Variants in LIPI observed in about 807,000 individuals in gnomAD.
The protein encoded by LIPI is lipase member I.
LIPI carries 59 observed loss-of-function variants against 50.6 expected under a neutral mutation model. The ratio of observed to expected loss-of-function variants is 1.16; its 90% CI spans 0.94 to 1.45. The LOEUF (loss-of-function observed/expected upper bound fraction) is 1.45. Among genes scored for constraint, LIPI ranks in the 40% most tolerant of loss-of-function variants. The probability of loss-of-function intolerance (pLI) is 0.00; values close to 1 mark genes in which losing one functional copy is unlikely to be tolerated. For synonymous variants in LIPI, 203 were observed against 178.2 expected, an observed-to-expected ratio of 1.14 and a Z score of -1.11; for missense variants, 586 against 536.3, an observed-to-expected ratio of 1.09 and a Z score of -0.92.
At chr21:14,134,409 AC>A (rs1460158807) in intron 9 of LIPI, among the ~76,000 whole-genome samples, 1 of 152,224 alleles carries the variant, frequency 6.6e-6, no homozygotes, top group Non-Finnish European at 1.5e-5. Flanking sequence ...CTATTGGATT[AC>A]CAAAGTCATT....
intron 8 of LIPI, among the ~76,000 whole-genome samples, chr21:14,148,063 C>T (rs969772759): frequency 2.6e-5 from 4 of 151,884 alleles, no homozygotes; most frequent in Non-Finnish European, 5.9e-5. Flanking sequence ...ATATCTGGTC[C>T]AATGAATCAT....
In LIPI at chr21:14,166,386, CA is replaced by C. The variant is rs781584188; in HGVS notation, c.708del (p.Gly237AlafsTer28). 2 of 1,601,150 alleles carry C rather than the reference CA, an allele frequency of 1.2e-6. No homozygotes were observed. The highest frequency in any genetic ancestry group is 2.2e-5 in the South Asian group (2 of 90,816). On this transcript the variant is annotated frameshift_variant, in exon 5 of 10. Coordinates refer to ENST00000681601, the MANE Select transcript of LIPI (RefSeq NM_001302998.2). LOFTEE classifies it high-confidence loss of function. ...DFYPNGGNKQ[P>X]GCPKSIFSGI... ...CCTGAGAAAATTGATTTAGGACAGC[CA>C]GGTTGTTTATTTCCTCCATTTGGAT...
At chr21:14,157,595 C>A (rs2018317468) in intron 7 of LIPI, among the ~76,000 whole-genome samples, 1 of 151,728 alleles carries the variant, frequency 6.6e-6, no homozygotes, top group South Asian at 2.1e-4. Flanking sequence ...AGTTTTGAGG[C>A]CTGGAAAACG....
chr21:14,136,347 G>A (rs1351096649), intron 9 of LIPI, among the ~76,000 whole-genome samples: 1 of 152,146 alleles, frequency 6.6e-6, no homozygotes, highest in Admixed American at 6.5e-5. Context: ...TGCCCTAAAT[G>A]GTGAGTCCCA....
At chr21:14,195,206 G>C (rs913602050) in intron 1 of LIPI, among the ~76,000 whole-genome samples, 2 of 152,128 alleles carry the variant, frequency 1.3e-5, no homozygotes, top group Admixed American at 6.6e-5. Flanking sequence ...GAAAAACTCT[G>C]AAATCTGCAT....
intron 9 of LIPI, among the ~76,000 whole-genome samples, chr21:14,130,255 G>A (rs545220070): frequency 2.0e-4 from 30 of 152,214 alleles, no homozygotes; most frequent in East Asian, 7.7e-4. Context: ...CAGGAGAATC[G>A]TGTGAACCCT....
intron 7 of LIPI, among the ~76,000 whole-genome samples, chr21:14,156,251 G>A (rs536771279): frequency 3.3e-5 from 5 of 151,938 alleles, no homozygotes; most frequent in South Asian, 2.1e-4. Context: ...TTAAAATAGC[G>A]ACATTTTATT....
intron 9 of LIPI, among the ~76,000 whole-genome samples, chr21:14,126,748 A>G (rs1272429380): frequency 6.6e-6 from 1 of 152,216 alleles, no homozygotes; most frequent in African/African-American, 2.4e-5. Context: ...ATTTTTGTAT[A>G]CACAGGGTTC....
At chr21:14,125,218 G>A (rs968993712) in intron 9 of LIPI, among the ~76,000 whole-genome samples, 4 of 152,108 alleles carry the variant, frequency 2.6e-5, no homozygotes, top group Admixed American at 6.5e-5. Context: ...GACTCTGTGG[G>A]TAAATAAATA....
intron 9 of LIPI, among the ~76,000 whole-genome samples, chr21:14,138,860 A>T (rs2017603756): frequency 6.6e-6 from 1 of 152,142 alleles, no homozygotes; most frequent in Admixed American, 6.6e-5. Context: ...TAACACTTAT[A>T]TGCCAGGCAA....
chr21:14,110,357 T>C (rs1415659516), intron 9 of LIPI, among the ~76,000 whole-genome samples: 3 of 145,246 alleles, frequency 2.1e-5, no homozygotes, highest in African/African-American at 8.5e-5. Flanking sequence ...TTTATTTGTT[T>C]ATTTTAAATT....
chr21:14,111,589 G>A (rs1972666831), intron 9 of LIPI, among the ~76,000 whole-genome samples: 1 of 151,956 alleles, frequency 6.6e-6, no homozygotes, highest in South Asian at 2.1e-4. Flanking sequence ...AAGCTTTTTA[G>A]TTTAATGTAA....
At chr21:14,206,992 T>C (rs2020244532) in intron 1 of LIPI, 1 of 1,066,390 alleles carries the variant, frequency 9.4e-7, no homozygotes, top group East Asian at 2.4e-5. Context: ...AAGACCCTTT[T>C]GGGCCAGCAG....
intron 1 of LIPI, among the ~76,000 whole-genome samples, chr21:14,201,589 T>G (rs2020056077): frequency 6.6e-6 from 1 of 152,072 alleles, no homozygotes; most frequent in Admixed American, 6.6e-5. Flanking sequence ...AAAAACCATA[T>G]GATTATCTCA....
intron 5 of LIPI, 38 bp downstream of exon 5, chr21:14,166,324 A>G (rs1568861934): frequency 9.1e-7 from 1 of 1,097,976 alleles, no homozygotes; most frequent in Admixed American, 1.7e-5. Flanking sequence ...CATCATTTCG[A>G]ATATTATGTA....
At chr21:14,145,278 A>G (rs1280396230) in intron 8 of LIPI, among the ~76,000 whole-genome samples, 1 of 152,226 alleles carries the variant, frequency 6.6e-6, no homozygotes, top group African/African-American at 2.4e-5. Context: ...TTTACAATGT[A>G]ATTAAGCTTT....
At chr21:14,190,211 AAAAT>A (rs1435475751) in intron 1 of LIPI, among the ~76,000 whole-genome samples, 1 of 152,144 alleles carries the variant, frequency 6.6e-6, no homozygotes, top group Non-Finnish European at 1.5e-5. Flanking sequence ...ACTAGGGCAG[AAAAT>A]AAATAACTAA....
At chr21:14,180,588 C>T (rs115391188) in intron 4 of LIPI, among the ~76,000 whole-genome samples, 2 of 152,348 alleles carry the variant, frequency 1.3e-5, no homozygotes, top group African/African-American at 2.4e-5. Context: ...AGGGACTACA[C>T]ATTAATTGGC....
At chr21:14,196,172 A>AAAAAAAAAAAAT in intron 1 of LIPI, among the ~76,000 whole-genome samples, 1 of 138,336 alleles carries the variant, frequency 7.2e-6, no homozygotes, top group Non-Finnish European at 1.6e-5. Flanking sequence ...AAAAAACAAA[A>AAAAAAAAAAAAT]CAAGAAGTAT....
Sources: allele counts gnomAD v4.1 joint callset (sites outside exome capture counted in the v4.1 genomes callset), GRCh38; gene constraint gnomAD v4.1.1; transcripts MANE v1.5; gene names NCBI Gene and HGNC (gene_info 2026-07-23, HGNC 2026-07-21).